The following SNRK variants were observed in gnomAD, a reference collection of about 807,000 sequenced individuals.
The protein encoded by SNRK is SNF-related serine/threonine-protein kinase.
SNRK carries 3 observed loss-of-function variants against 48.2 expected under a neutral mutation model. That is an observed-to-expected ratio of 0.06 (90% CI 0.03 to 0.16). SNRK has a LOEUF of 0.16. SNRK is among the 10% of genes least tolerant of loss of function. The probability of loss-of-function intolerance (pLI) is 1.00; values close to 1 mark genes in which losing one functional copy is unlikely to be tolerated. For missense variants in SNRK, 627 were observed against 976.0 expected (o/e 0.64, Z 4.76); for synonymous variants, 376 against 366.1 (o/e 1.03, Z -0.31).
chr3:43,331,795 G>A (rs950626321), intron 3 of SNRK, among the ~76,000 whole-genome samples: 4 of 152,022 alleles, frequency 2.6e-5, no homozygotes, highest in Admixed American at 2.0e-4. Context: ...ATTCTTTTCC[G>A]GTCTCAGAGT....
rs760904494 is a variant in SNRK at position 43,347,564 on chromosome 3, A to T, written c.1305A>T (p.Thr435=). ...STVPPASLKP[T]ASGRKCLFRV... ...TGCCACCCGCAAGCTTAAAACCCAC[A>T]GCCAGTGGGCGGAAGTGTCTGTTCA... Residue 435 remains threonine (T), a synonymous_variant, in exon 7 of 7, where the codon ACA becomes ACT. Coordinates refer to ENST00000296088, the MANE Select transcript of SNRK (RefSeq NM_017719.5). This position sits in a 1 kb window ranked among gnomAD's most constrained non-coding sequence, Gnocchi z 5.4. 2 of 1,613,908 alleles carry T rather than the reference A, an allele frequency of 1.2e-6. No homozygotes were observed. The highest frequency in any genetic ancestry group is 8.5e-7 in the Non-Finnish European group (1 of 1,179,970).
Position 43,303,788 on chromosome 3 carries a change from AGTAG to A in SNRK, c.589+4_589+7del. 1 of 1,606,546 alleles carries A rather than the reference AGTAG, an allele frequency of 6.2e-7. No homozygotes were observed. Among genetic ancestry groups the A allele is most frequent in the South Asian group, 1.1e-5 (1 of 90,820 alleles). ...TTGGTGATGAGTATGATGCACCTGC[AGTAG>A]GTAGGTAACCTCGGTCCAGTATTTG... On this transcript the variant is annotated frameshift_variant and splice_region_variant, in exon 3 of 7. Coordinates refer to ENST00000296088, the MANE Select transcript of SNRK (RefSeq NM_017719.5). LOFTEE classifies it high-confidence loss of function. This position sits in a 1 kb window ranked among gnomAD's most constrained non-coding sequence, Gnocchi z 6.2.
At chr3:43,290,041 A>T (rs1188065039) in intron 1 of SNRK, among the ~76,000 whole-genome samples, 1 of 152,238 alleles carries the variant, frequency 6.6e-6, no homozygotes, top group Non-Finnish European at 1.5e-5. Context: ...AAAATGCTCC[A>T]GGAACCTGGA....
intron 3 of SNRK, among the ~76,000 whole-genome samples, chr3:43,304,123 C>T (rs1264132842): frequency 2.6e-5 from 4 of 152,112 alleles, no homozygotes; most frequent in African/African-American, 7.2e-5. Context: ...CTTTAGCCAT[C>T]TCCTCTCTGT....
intron 3 of SNRK, among the ~76,000 whole-genome samples, chr3:43,323,888 A>G (rs2091074120): frequency 6.6e-6 from 1 of 152,190 alleles, no homozygotes; most frequent in Non-Finnish European, 1.5e-5. Flanking sequence ...CAAAACTTGC[A>G]AGGACACACA....
At chr3:43,323,174 T>G (rs1415232612) in intron 3 of SNRK, among the ~76,000 whole-genome samples, 6 of 152,120 alleles carry the variant, frequency 3.9e-5, no homozygotes, top group Non-Finnish European at 7.4e-5. Flanking sequence ...TCACGCCATG[T>G]GTAAAAGCTC....
rs1383503188 is a variant in SNRK, at chr3:43,350,755, C to T, written c.*2198C>T. 6.6e-6 allele frequency: 1 copy of T among 152,616 alleles called. No individual in the cohort carries two copies. Among genetic ancestry groups the T allele is most frequent in the Admixed American group, 6.5e-5 (1 of 15,286 alleles). 9.5% of individuals were successfully genotyped at this position (152,616 alleles called of 1,614,324 possible). A position where few individuals can be genotyped will look rare whatever the true frequency, so the allele number is the denominator to read the frequency against. On this transcript the variant is annotated 3_prime_UTR_variant, in exon 7 of 7. Coordinates refer to ENST00000296088, the MANE Select transcript of SNRK (RefSeq NM_017719.5). Reference sequence around the variant, plus strand: ...TATTGGACCAAACTACTTACTTGCTCTAAACAGTTACTTGTACCCCTTAAC... The same window carrying T: ...TATTGGACCAAACTACTTACTTGCTTTAAACAGTTACTTGTACCCCTTAAC...
At position 43,343,190 on chromosome 3, in the gene SNRK, C is replaced by T. The variant is rs555192250; in HGVS notation, c.945-154C>T. On this transcript the variant is annotated intron_variant, in intron 5 of 6. Coordinates refer to ENST00000296088, the MANE Select transcript of SNRK (RefSeq NM_017719.5). ...GAACTTTGAGTGACCTAAATAACTA[C>T]TAGTTTGGTTTTTTTCTGGTTTGCA... 4 of 867,830 alleles carry T rather than the reference C, an allele frequency of 4.6e-6. No homozygotes were observed. The African/African-American group carries it at 7.0e-5, about 15-fold the overall frequency. 53.8% of individuals were successfully genotyped at this position (867,830 alleles called of 1,614,324 possible). A position where few individuals can be genotyped will look rare whatever the true frequency, so the allele number is the denominator to read the frequency against.
chr3:43,339,818 A>AATATATATATATATATAT (rs71083066), intron 4 of SNRK, among the ~76,000 whole-genome samples: 5 of 66,738 alleles, frequency 7.5e-5, no homozygotes, highest in Non-Finnish European at 1.2e-4. Flanking sequence ...CCATTTCCAA[A>AATATATATATATATATAT]ATATATATAT....
chr3:43,334,893 A>G (rs977929565), intron 4 of SNRK, among the ~76,000 whole-genome samples: 3 of 152,144 alleles, frequency 2.0e-5, no homozygotes, highest in Non-Finnish European at 2.9e-5. Context: ...CGCCCAGCCT[A>G]TAATATCTTT....
rs1263277808 is a variant in SNRK at position 43,347,634 on chromosome 3, A to G, written c.1375A>G (p.Met459Val). The change falls in exon 7 of 7, where the codon ATG (methionine) becomes GTG (valine). Residue 459 changes from methionine to valine, a missense_variant. Transcript: ENST00000296088. The surrounding 1 kb of genome is among the most constrained non-coding windows in gnomAD (Gnocchi z 5.4). ...EEEDEEDKKP[M>V]SLSTQVVLRR... ...GGAAGATGAGGAGGACAAGAAACCC[A>G]TGTCCCTCTCAACACAAGTGGTTTT... The G allele has an allele frequency of 1.9e-6, 3 of 1,613,808 alleles. No individual in the cohort carries two copies. The highest frequency in any genetic ancestry group is 2.2e-5 in the South Asian group (2 of 91,080).
chr3:43,320,623 A>C (rs2091046411), intron 3 of SNRK, among the ~76,000 whole-genome samples: 1 of 152,108 alleles, frequency 6.6e-6, no homozygotes, highest in Admixed American at 6.5e-5. Context: ...GACGTATTAA[A>C]TGTTAGTCAA....
At chr3:43,339,633 T>C (rs368506982) in intron 4 of SNRK, among the ~76,000 whole-genome samples, 1 of 151,150 alleles carries the variant, frequency 6.6e-6, no homozygotes, top group Non-Finnish European at 1.5e-5. Context: ...CTGGCCAACA[T>C]AGTGAAACCC....
At chr3:43,287,365 C>T (rs1304179154) in intron 1 of SNRK, among the ~76,000 whole-genome samples, 1 of 152,138 alleles carries the variant, frequency 6.6e-6, no homozygotes, top group Non-Finnish European at 1.5e-5. Context: ...TTTACTTGGA[C>T]TTGGGTTGCA....
rs1358951744 is a variant in SNRK, at chr3:43,305,552, G to A, written c.589+1760G>A. Among the ~76,000 whole-genome samples, 14 of 148,902 alleles carry A rather than the reference G, an allele frequency of 9.4e-5. No homozygotes were observed. In the East Asian group the frequency reaches 2.2e-3, roughly 23 times the overall value. ...GGCTGGAGTGCAGTGGTGCCCTGTC[G>A]GCTCTCTGCAAGCTCTGCCTCCTGG... On this transcript the variant is annotated intron_variant, in intron 3 of 6. Transcript: ENST00000296088.
rs553291643 is a variant in SNRK, at chr3:43,338,148, A to G, written c.732-2139A>G. Among the ~76,000 whole-genome samples, 4 of 152,378 alleles carry G rather than the reference A, an allele frequency of 2.6e-5. No homozygotes were observed. The South Asian group carries it at 8.3e-4, about 32-fold the overall frequency. On this transcript the variant is annotated intron_variant, in intron 4 of 6. Transcript: ENST00000296088. ...CAAATGCCACAAAGTAGATATGATT[A>G]TCATTCTACACAGTTAAAAATTTCA...
chr3:43,311,441 G>T (rs2090978320), intron 3 of SNRK, among the ~76,000 whole-genome samples: 1 of 152,082 alleles, frequency 6.6e-6, no homozygotes, highest in Non-Finnish European at 1.5e-5. Flanking sequence ...GAAAAGGGAG[G>T]GTAGCTAGAT....
rs559438134 is a variant in SNRK, at chr3:43,329,689, A to T, written c.590-2480A>T. ...TTGAGCCCTAACTGAAAACTGTGGG[A>T]CTGTATATTTATGTTGCTTTTCTTC... is the stretch of plus-strand genomic sequence containing the variant. On this transcript the variant is annotated intron_variant, in intron 3 of 6. Transcript: ENST00000296088. Among the ~76,000 whole-genome samples, 5 of 152,256 alleles carry T rather than the reference A, an allele frequency of 3.3e-5. No individual in the cohort carries two copies. In the South Asian group the frequency reaches 1.0e-3, roughly 32 times the overall value.
At chr3:43,292,618 C>G (rs1445897173) in intron 1 of SNRK, among the ~76,000 whole-genome samples, 2 of 152,234 alleles carry the variant, frequency 1.3e-5, no homozygotes, top group Non-Finnish European at 2.9e-5. Flanking sequence ...CCCAAATCAT[C>G]ACTTCACCTA....
Sources: gnomAD v4.1 joint callset for allele counts (sites outside exome capture counted in the v4.1 genomes callset) on GRCh38, gnomAD v4.1.1 for gene constraint, Gnocchi (gnomAD v3.1) non-coding constraint, MANE v1.5 for transcripts, NCBI Gene and HGNC (gene_info 2026-07-23, HGNC 2026-07-21) for gene names.